FOXP2: variants seen among roughly 807,000 people sequenced by gnomAD.
FOXP2 encodes the protein forkhead box P2, also known as forkhead box protein P2.
In FOXP2, 12 loss-of-function variants were observed where a neutral mutation model predicts 115.8. The ratio of observed to expected loss-of-function variants is 0.10; its 90% CI spans 0.07 to 0.17. The LOEUF is 0.17. Among genes scored for constraint, FOXP2 ranks in the 10% least tolerant of loss-of-function variants. The pLI, the probability that FOXP2 is intolerant of heterozygous loss-of-function variation, is 1.00. For synonymous variants in FOXP2, 328 were observed against 297.7 expected, an observed-to-expected ratio of 1.10 and a Z score of -1.05; for missense variants, 629 against 843.5, an observed-to-expected ratio of 0.75 and a Z score of 3.15.
chr7:114,483,289 G>A (rs1362405347), intron 2 of FOXP2, among the ~76,000 whole-genome samples: 1 of 151,266 alleles, frequency 6.6e-6, no homozygotes, highest in African/African-American at 2.4e-5. Flanking sequence ...CTGGATTATT[G>A]CATGGTTGGT....
intron 2 of FOXP2, among the ~76,000 whole-genome samples, chr7:114,403,391 T>G (rs964053740): frequency 2.0e-5 from 3 of 152,200 alleles, no homozygotes; most frequent in African/African-American, 7.2e-5. Flanking sequence ...TGAGACTTAC[T>G]CAGATTTAAA....
intron 1 of FOXP2, among the ~76,000 whole-genome samples, chr7:114,176,530 G>A (rs899051183): frequency 7.3e-5 from 11 of 151,620 alleles, no homozygotes; most frequent in Admixed American, 3.9e-4. Context: ...TTGTAGAGTC[G>A]GGATTTCACC....
intron 1 of FOXP2, among the ~76,000 whole-genome samples, chr7:114,418,231 A>G (rs557459986): frequency 1.3e-5 from 2 of 152,058 alleles, no homozygotes; most frequent in South Asian, 4.1e-4. Flanking sequence ...TGAATGAGAA[A>G]TGTTTCTGTG....
At chr7:114,491,047 T>C (rs1797024380) in intron 2 of FOXP2, among the ~76,000 whole-genome samples, 1 of 152,152 alleles carries the variant, frequency 6.6e-6, no homozygotes, top group Non-Finnish European at 1.5e-5. Context: ...GGCCAAATGG[T>C]ATTTCTAGTT....
chr7:114,449,273 A>G (rs1376308611), intron 2 of FOXP2, among the ~76,000 whole-genome samples: 6 of 152,130 alleles, frequency 3.9e-5, no homozygotes, highest in African/African-American at 1.4e-4. Flanking sequence ...AGTATGGCTT[A>G]TATTTGTGCA....
In FOXP2 at chr7:114,129,197, A is replaced by T. The variant is rs77711092; in HGVS notation, c.-246-33747A>T. Among the ~76,000 whole-genome samples, 662 of 152,328 alleles carry T rather than the reference A, an allele frequency of 4.3e-3. 3 individuals carry two copies. The highest frequency in any genetic ancestry group is 0.015 in the African/African-American group (636 of 41,580). ...CCCAGCATTTTTAATTGAGCCTTAC[A>T]CAAATAAGTGACTTGCCAAAGTTCA... On this transcript the variant is annotated intron_variant, in intron 1 of 19. Transcript: ENST00000635638.
intron 1 of FOXP2, among the ~76,000 whole-genome samples, chr7:114,132,701 G>C (rs1401397355): frequency 6.6e-6 from 1 of 151,726 alleles, no homozygotes; most frequent in Non-Finnish European, 1.5e-5. Context: ...TAAAATCAGT[G>C]AAGGAAAGGA....
intron 2 of FOXP2, among the ~76,000 whole-genome samples, chr7:114,466,263 T>C (rs982085685): frequency 1.3e-5 from 2 of 152,188 alleles, no homozygotes; most frequent in Non-Finnish European, 2.9e-5. Flanking sequence ...AACTATTCCA[T>C]GCTCTTGCCT....
At chr7:114,653,819 C>T in intron 9 of FOXP2, 107 bp from the exon 10 acceptor site, 5 of 1,222,760 alleles carry the variant, frequency 4.1e-6, no homozygotes, top group Non-Finnish European at 6.0e-6. Flanking sequence ...CTTTTACATG[C>T]AGGAATCATT....
At chr7:114,476,518 T>C (rs527690608) in intron 2 of FOXP2, among the ~76,000 whole-genome samples, 1 of 152,230 alleles carries the variant, frequency 6.6e-6, no homozygotes, top group African/African-American at 2.4e-5. Context: ...TTTTGGTTAC[T>C]GTAGCCCTGT....
rs544538320 is a variant in FOXP2 at position 114,536,470 on chromosome 7, C to T, written c.258+1764C>T. Reference sequence around the variant, plus strand: ...GATTTGATACTTGGACTAAAATATACGTACTTTTCCTTACAAAATACCCAC... The same window carrying T: ...GATTTGATACTTGGACTAAAATATATGTACTTTTCCTTACAAAATACCCAC... On this transcript the variant is annotated intron_variant, in intron 3 of 16. Coordinates refer to ENST00000350908, the MANE Select transcript of FOXP2 (RefSeq NM_014491.4). Among the ~76,000 whole-genome samples the T allele has an allele frequency of 2.5e-4, 35 of 138,984 alleles. No homozygotes were observed. In the South Asian group the frequency reaches 7.5e-3, roughly 30 times the overall value. 91.2% of individuals were successfully genotyped at this position (138,984 alleles called of 152,430 possible).
intron 1 of FOXP2, among the ~76,000 whole-genome samples, chr7:114,103,750 G>C (rs1341235528): frequency 6.6e-6 from 1 of 151,960 alleles, no homozygotes; most frequent in Non-Finnish European, 1.5e-5. Flanking sequence ...ATATATGAAA[G>C]ACTTGTAAAT....
intron 2 of FOXP2, among the ~76,000 whole-genome samples, chr7:114,502,907 G>A (rs1055412980): frequency 6.6e-6 from 1 of 151,960 alleles, no homozygotes; most frequent in East Asian, 1.9e-4. Flanking sequence ...AGGCTAGAAC[G>A]CATAATTGTC....
intron 8 of FOXP2, 125 bp downstream of exon 8, chr7:114,644,914 T>C (rs1805792361): frequency 1.4e-6 from 1 of 715,090 alleles, no homozygotes; most frequent in Non-Finnish European, 2.4e-6. Flanking sequence ...TACTTCAAGA[T>C]TTTTGTGGGT....
At chr7:114,521,532 C>A (rs74509699) in intron 2 of FOXP2, among the ~76,000 whole-genome samples, 617 of 81,620 alleles carry the variant, frequency 7.6e-3, no homozygotes, top group East Asian at 0.012. Context: ...GACACTGTCT[C>A]AAAAAAAAAA....
intron 1 of FOXP2, among the ~76,000 whole-genome samples, chr7:114,425,209 A>G (rs1793789342): frequency 6.6e-6 from 1 of 151,658 alleles, no homozygotes; most frequent in Non-Finnish European, 1.5e-5. Flanking sequence ...AAAGCATTAA[A>G]ATATGATCAA....
At chr7:114,536,344 G>T (rs1799390135) in intron 3 of FOXP2, among the ~76,000 whole-genome samples, 1 of 149,706 alleles carries the variant, frequency 6.7e-6, no homozygotes, top group Non-Finnish European at 1.5e-5. Flanking sequence ...TTTCTATATT[G>T]CTGGTTACCA....
intron 1 of FOXP2, among the ~76,000 whole-genome samples, chr7:114,186,969 G>C (rs1489775507): frequency 6.6e-6 from 1 of 152,150 alleles, no homozygotes; most frequent in African/African-American, 2.4e-5. Context: ...CAGGCTCCCT[G>C]GGTTTCTCTT....
At chr7:114,178,995 A>G (rs1361345142) in intron 1 of FOXP2, among the ~76,000 whole-genome samples, 1 of 151,910 alleles carries the variant, frequency 6.6e-6, no homozygotes, top group African/African-American at 2.4e-5. Flanking sequence ...TTCTATGTAG[A>G]TTTTTCAGAG....
Sources: allele counts gnomAD v4.1 joint callset (sites outside exome capture counted in the v4.1 genomes callset), GRCh38; gene constraint gnomAD v4.1.1; transcripts MANE v1.5; gene names NCBI Gene and HGNC (gene_info 2026-07-23, HGNC 2026-07-21).